Variants in ARHGAP6 observed in about 807,000 individuals in gnomAD.
ARHGAP6 encodes the protein Rho GTPase activating protein 6.
A neutral mutation model predicts 55.7 loss-of-function variants in ARHGAP6; 16 were observed. The observed-to-expected ratio is 0.29, with a 90% confidence interval of 0.19 to 0.44. ARHGAP6 has a LOEUF of 0.44. ARHGAP6 is among the 20% of genes least tolerant of loss of function. ARHGAP6 has a pLI of 1.00. For missense variants in ARHGAP6, 698 were observed against 808.9 expected (o/e 0.86, Z 1.66); for synonymous variants, 382 against 360.9 (o/e 1.06, Z -0.66).
intron 1 of ARHGAP6, among the ~76,000 whole-genome samples, chrX:11,408,455 A>G (rs929478635): frequency 9.0e-6 from 1 of 111,706 alleles, no homozygotes; most frequent in Admixed American, 9.5e-5. Flanking sequence ...TTCCATGTAC[A>G]CAGTTTCCTC....
chrX:11,585,178 T>C (rs2051715652), intron 1 of ARHGAP6, among the ~76,000 whole-genome samples: 1 of 112,315 alleles, frequency 8.9e-6, no homozygotes, highest in South Asian at 3.7e-4. Context: ...ATCCAGTCTA[T>C]CATTTATGGT....
intron 1 of ARHGAP6, among the ~76,000 whole-genome samples, chrX:11,409,118 C>A (rs1461378201): frequency 8.9e-6 from 1 of 111,943 alleles, no homozygotes; most frequent in Non-Finnish European, 1.9e-5. Flanking sequence ...TTTCTTCACT[C>A]ATTTGCTTGA....
At chrX:11,438,473 G>A (rs760518130) in intron 1 of ARHGAP6, among the ~76,000 whole-genome samples, 1 of 112,574 alleles carries the variant, frequency 8.9e-6, no homozygotes, top group South Asian at 3.7e-4. Context: ...TCATGTGATC[G>A]TGTAATCACT....
At chrX:11,222,556 T>A (rs1202047568) in intron 2 of ARHGAP6, among the ~76,000 whole-genome samples, 1 of 112,256 alleles carries the variant, frequency 8.9e-6, no homozygotes, top group East Asian at 2.8e-4. Flanking sequence ...AGAAACAGCA[T>A]TGTGGATAAA....
At chrX:11,313,314 C>A (rs181469363) in intron 1 of ARHGAP6, among the ~76,000 whole-genome samples, 22 of 112,367 alleles carry the variant, frequency 2.0e-4, no homozygotes, top group African/African-American at 6.8e-4. Context: ...AGAATAAAAT[C>A]CATCCACATA....
intron 1 of ARHGAP6, among the ~76,000 whole-genome samples, chrX:11,628,117 A>G (rs1321822515): frequency 8.9e-6 from 1 of 112,341 alleles, no homozygotes; most frequent in African/African-American, 3.2e-5. Context: ...GCAATTCAAT[A>G]TCCAATTGTT....
chrX:11,170,822 G>A (rs1450327237), intron 8 of ARHGAP6, among the ~76,000 whole-genome samples: 3 of 111,851 alleles, frequency 2.7e-5, no homozygotes, highest in Non-Finnish European at 5.6e-5. Context: ...CACCCTTAAG[G>A]AGCAGCTGAT....
intron 1 of ARHGAP6, among the ~76,000 whole-genome samples, chrX:11,662,310 G>C (rs2052711290): frequency 8.9e-6 from 1 of 111,807 alleles, no homozygotes; most frequent in South Asian, 3.8e-4. Context: ...GTTATGTTAG[G>C]ATATCTTGGC....
At chrX:11,230,782 G>A (rs1474847137) in intron 2 of ARHGAP6, among the ~76,000 whole-genome samples, 1 of 110,679 alleles carries the variant, frequency 9.0e-6, no homozygotes, top group Non-Finnish European at 1.9e-5. Context: ...ATATGACTTT[G>A]TTTTTTAGAA....
intron 10 of ARHGAP6, among the ~76,000 whole-genome samples, chrX:11,144,603 T>C (rs1311281459): frequency 1.8e-5 from 2 of 112,648 alleles, no homozygotes; most frequent in Admixed American, 1.9e-4. Context: ...ATGCTCACTA[T>C]CTATTAGGTA....
chrX:11,384,188 GC>G (rs1182155785), intron 1 of ARHGAP6, among the ~76,000 whole-genome samples: 1 of 111,655 alleles, frequency 9.0e-6, no homozygotes, highest in East Asian at 2.8e-4. Context: ...AACACGATGT[GC>G]CCCCGGGTAG....
intron 1 of ARHGAP6, among the ~76,000 whole-genome samples, chrX:11,637,450 T>C (rs2052430725): frequency 8.9e-6 from 1 of 111,957 alleles, no homozygotes. Flanking sequence ...TTTAAAGTTT[T>C]ATTCTAAATT....
At chrX:11,215,971 A>T (rs908443127) in intron 2 of ARHGAP6, among the ~76,000 whole-genome samples, 5 of 111,487 alleles carry the variant, frequency 4.5e-5, no homozygotes, top group African/African-American at 1.3e-4. Flanking sequence ...CTCTTAGAGC[A>T]GCTCTTCTCG....
chrX:11,293,930 C>CTT (rs774054710), intron 1 of ARHGAP6, among the ~76,000 whole-genome samples: 1 of 112,298 alleles, frequency 8.9e-6, no homozygotes, highest in Non-Finnish European at 1.9e-5. Flanking sequence ...ATATTCACTT[C>CTT]TTATACAAAA....
chrX:11,330,736 G>A (rs1287426660), intron 1 of ARHGAP6, among the ~76,000 whole-genome samples: 1 of 111,692 alleles, frequency 9.0e-6, no homozygotes, highest in Non-Finnish European at 1.9e-5. Flanking sequence ...ATAGACCCAC[G>A]GTAAGAAGGT....
intron 1 of ARHGAP6, among the ~76,000 whole-genome samples, chrX:11,524,720 G>C (rs2050971367): frequency 9.0e-6 from 1 of 110,879 alleles, no homozygotes; most frequent in Admixed American, 9.7e-5. Context: ...GAGGGGAGGA[G>C]GATGGTTTCT....
chrX:11,437,849 C>T (rs937423031), intron 1 of ARHGAP6, among the ~76,000 whole-genome samples: 3 of 112,356 alleles, frequency 2.7e-5, no homozygotes, highest in African/African-American at 9.7e-5. Context: ...CAAAACTACA[C>T]AGAAGCTGGT....
chrX:11,323,807 G>C (rs182896279), intron 1 of ARHGAP6, among the ~76,000 whole-genome samples: 1,064 of 101,807 alleles, frequency 0.01, 12 homozygotes, highest in Middle Eastern at 0.02. Context: ...AGAGGTTGCA[G>C]TGAGCCGAGA....
At chrX:11,604,707 A>G (rs2052013931) in intron 1 of ARHGAP6, among the ~76,000 whole-genome samples, 1 of 112,165 alleles carries the variant, frequency 8.9e-6, no homozygotes, top group Admixed American at 9.5e-5. Context: ...AAAATCCTCT[A>G]AAGAGATAAA....
Sources: gnomAD v4.1 joint callset for allele counts (sites outside exome capture counted in the v4.1 genomes callset) on GRCh38, gnomAD v4.1.1 for gene constraint, MANE v1.5 for transcripts, NCBI Gene and HGNC (gene_info 2026-07-23, HGNC 2026-07-21) for gene names.